The following CACNB2 variants were observed in gnomAD, a reference collection of about 807,000 sequenced individuals.
CACNB2 encodes voltage-dependent L-type calcium channel subunit beta-2.
In CACNB2, 42 loss-of-function variants were observed where a neutral mutation model predicts 73.3. The ratio of observed to expected loss-of-function variants is 0.57; its 90% confidence interval spans 0.45 to 0.74. The LOEUF is 0.74. CACNB2 is among the 30% of genes least tolerant of loss of function. The pLI, the probability that CACNB2 is intolerant of heterozygous loss-of-function variation, is 0.00. For missense variants in CACNB2, 940 were observed against 853.0 expected (o/e 1.10, Z -1.27); for synonymous variants, 348 against 310.3 (o/e 1.12, Z -1.28).
In CACNB2 at chr10:18,140,870, G is replaced by T. The variant is rs769509329; in HGVS notation, c.120+14G>T. The T allele has an allele frequency of 1.1e-5, 18 of 1,588,240 alleles. No individual in the cohort carries two copies. The highest frequency in any genetic ancestry group is 1.5e-5 in the Non-Finnish European group (17 of 1,169,490). On this transcript the variant is annotated intron_variant, in intron 1 of 13. Transcript: ENST00000324631. ...GCCGCCGCACAGGTAGCGAGAGCGC[G>T]GCGCCTTCTCCTTCCTTTGTGAGCC... is the stretch of plus-strand genomic sequence containing the variant.
intron 3 of CACNB2, among the ~76,000 whole-genome samples, chr10:18,493,526 A>G (rs555108779): frequency 6.6e-6 from 1 of 152,280 alleles, no homozygotes; most frequent in South Asian, 2.1e-4. Context: ...CCTGGAAACA[A>G]TATCACGGCA....
At chr10:18,490,113 A>T (rs958775467) in intron 3 of CACNB2, among the ~76,000 whole-genome samples, 2 of 152,134 alleles carry the variant, frequency 1.3e-5, no homozygotes, top group Admixed American at 6.6e-5. Flanking sequence ...CCTCGGCTCA[A>T]GCAATCCACC....
intron 1 of CACNB2, among the ~76,000 whole-genome samples, chr10:18,142,922 T>C (rs2030571580): frequency 6.6e-6 from 1 of 152,154 alleles, no homozygotes; most frequent in African/African-American, 2.4e-5. Flanking sequence ...GAGGAATCTG[T>C]AAGGACTTCA....
intron 3 of CACNB2, among the ~76,000 whole-genome samples, chr10:18,461,354 C>G (rs1320074921): frequency 6.6e-6 from 1 of 152,206 alleles, no homozygotes; most frequent in Non-Finnish European, 1.5e-5. Context: ...TAACAGATCA[C>G]TCTCTGGTCA....
intron 3 of CACNB2, among the ~76,000 whole-genome samples, chr10:18,422,069 G>A (rs2045354878): frequency 1.3e-5 from 2 of 152,202 alleles, no homozygotes; most frequent in African/African-American, 4.8e-5. Context: ...TCCGTTTTAA[G>A]ATTTTGTAAT....
At chr10:18,142,860 T>A (rs2030563059) in intron 1 of CACNB2, among the ~76,000 whole-genome samples, 2 of 152,180 alleles carry the variant, frequency 1.3e-5, no homozygotes, top group Non-Finnish European at 2.9e-5. Flanking sequence ...GGAAGAGAAG[T>A]TCTGACTAGT....
chr10:18,482,199 T>A (rs569846905), intron 3 of CACNB2, among the ~76,000 whole-genome samples: 1 of 152,280 alleles, frequency 6.6e-6, no homozygotes, highest in Admixed American at 6.5e-5. Context: ...CTCTTATTGG[T>A]TTTTACAGAG....
At chr10:18,302,697 CAG>C (rs1023551749) in intron 2 of CACNB2, among the ~76,000 whole-genome samples, 15 of 151,926 alleles carry the variant, frequency 9.9e-5, no homozygotes, top group Admixed American at 5.9e-4. Context: ...TTTGAGGACT[CAG>C]GGGGAAAGGG....
chr10:18,445,757 G>C (rs896384736), intron 3 of CACNB2, among the ~76,000 whole-genome samples: 1 of 152,176 alleles, frequency 6.6e-6, no homozygotes, highest in Non-Finnish European at 1.5e-5. Context: ...GATTGGGCCA[G>C]GTGTGATGGC....
intron 2 of CACNB2, among the ~76,000 whole-genome samples, chr10:18,182,977 A>C (rs1320801002): frequency 2.0e-5 from 3 of 152,174 alleles, no homozygotes; most frequent in Non-Finnish European, 4.4e-5. Context: ...AGAAAATAGT[A>C]TACAAATTGA....
intron 2 of CACNB2, among the ~76,000 whole-genome samples, chr10:18,385,096 C>A (rs1469957695): frequency 6.6e-6 from 1 of 151,842 alleles, no homozygotes; most frequent in African/African-American, 2.4e-5. Flanking sequence ...CCTGGCAAAC[C>A]TGGTGAAACC....
chr10:18,427,946 CATT>C (rs2045689102), intron 3 of CACNB2, among the ~76,000 whole-genome samples: 1 of 152,018 alleles, frequency 6.6e-6, no homozygotes, highest in Non-Finnish European at 1.5e-5. Context: ...TTACTTAGCT[CATT>C]ATTTCTCAAA....
intron 6 of CACNB2, among the ~76,000 whole-genome samples, chr10:18,512,089 T>C (rs2050828384): frequency 6.6e-6 from 1 of 152,220 alleles, no homozygotes. Flanking sequence ...AGATTATGCA[T>C]CTTTTTTTCT....
intron 3 of CACNB2, among the ~76,000 whole-genome samples, chr10:18,445,845 T>G (rs2046706051): frequency 6.6e-6 from 1 of 152,070 alleles, no homozygotes; most frequent in Admixed American, 6.6e-5. Context: ...ACCAGCCTGG[T>G]CAACATGGTG....
chr10:18,314,418 T>G (rs2040076849), intron 2 of CACNB2, among the ~76,000 whole-genome samples: 2 of 152,198 alleles, frequency 1.3e-5, no homozygotes, highest in South Asian at 4.1e-4. Flanking sequence ...TATCTGAGAC[T>G]GAGTTATCAA....
At chr10:18,323,985 CAG>C (rs1224658054) in intron 2 of CACNB2, among the ~76,000 whole-genome samples, 1 of 152,118 alleles carries the variant, frequency 6.6e-6, no homozygotes, top group Non-Finnish European at 1.5e-5. Context: ...TGATGTACAA[CAG>C]ATAAAACATT....
chr10:18,402,391 G>GAA (rs57043162), intron 3 of CACNB2, among the ~76,000 whole-genome samples: 86,787 of 143,712 alleles, frequency 0.6, 26,687 homozygotes, highest in African/African-American at 0.71. Flanking sequence ...TCTCTGTTAA[G>GAA]AAAAAAAAAA....
In CACNB2 at chr10:18,150,916, T is replaced by C; in HGVS notation, c.154T>C (p.Phe52Leu). The C allele has an allele frequency of 2.1e-6, 3 of 1,451,244 alleles. No individual in the cohort carries two copies. The highest frequency in any genetic ancestry group is 2.8e-6 in the Non-Finnish European group (3 of 1,073,516). The allele number at this position is 1,451,244 out of a possible 1,614,324, so 89.9% of individuals were successfully genotyped here. A position where few individuals can be genotyped will look rare whatever the true frequency, so the allele number is the denominator to read the frequency against. ...YGKGARRKNR[F>L]KGSDGSTSSD... ...AAAAGGAGCCAGAAGGAAAAACAGA[T>C]TTAAAGGATCTGATGGAAGCACGTC... is the stretch of plus-strand genomic sequence containing the variant. Residue 52 changes from phenylalanine (F) to leucine (L), a missense_variant, in exon 2 of 14, where the codon TTT (phenylalanine) becomes CTT (leucine). By Grantham distance (22) the Phe-to-Leu change is conservative. Transcript: ENST00000324631.
At chr10:18,483,127 T>G (rs2048873583) in intron 3 of CACNB2, among the ~76,000 whole-genome samples, 1 of 151,946 alleles carries the variant, frequency 6.6e-6, no homozygotes, top group African/African-American at 2.4e-5. Context: ...CACATGGGGT[T>G]TCATGTTCAG....
Sources: gnomAD v4.1 joint callset for allele counts (sites outside exome capture counted in the v4.1 genomes callset) on GRCh38, gnomAD v4.1.1 for gene constraint, MANE v1.5 for transcripts, NCBI Gene and HGNC (gene_info 2026-07-23, HGNC 2026-07-21) for gene names.